The following CNTLN variants were observed in gnomAD, a reference collection of about 807,000 sequenced individuals.
The protein encoded by CNTLN is centlein, centrosomal protein.
A neutral mutation model predicts 180.0 loss-of-function variants in CNTLN; 212 were observed. The observed-to-expected ratio is 1.18, with a 90% CI of 1.05 to 1.32. CNTLN has a LOEUF of 1.32. Ranked by LOEUF, CNTLN falls within the 40% of genes most tolerant of loss-of-function variation. The pLI is 0.00. For missense variants in CNTLN, 2,095 were observed against 1,610.9 expected (o/e 1.30, Z -5.14); for synonymous variants, 722 against 563.1 (o/e 1.28, Z -3.99).
chr9:17,237,894 G>A (rs1825255723), intron 5 of CNTLN, among the ~76,000 whole-genome samples: 1 of 152,046 alleles, frequency 6.6e-6, no homozygotes, highest in Non-Finnish European at 1.5e-5. Context: ...GCCATTGAGA[G>A]AACTGAATTC....
At chr9:17,492,477 A>T (rs1369179210) in intron 25 of CNTLN, among the ~76,000 whole-genome samples, 1 of 152,152 alleles carries the variant, frequency 6.6e-6, no homozygotes, top group Non-Finnish European at 1.5e-5. Flanking sequence ...AGTACTATTT[A>T]TTCAACAAAC....
chr9:17,218,645 T>G (rs1440972167), intron 2 of CNTLN, among the ~76,000 whole-genome samples: 1 of 152,170 alleles, frequency 6.6e-6, no homozygotes, highest in Non-Finnish European at 1.5e-5. Context: ...AAAATCTGCA[T>G]TTTAATAGGT....
chr9:17,484,536 A>T, intron 24 of CNTLN, 56 bp downstream of exon 24: 1 of 1,362,712 alleles, frequency 7.3e-7, no homozygotes, highest in South Asian at 1.4e-5. Flanking sequence ...GGACTTAAGT[A>T]GATATTTTTA....
chr9:17,290,776 G>T (rs1416347328), intron 6 of CNTLN, among the ~76,000 whole-genome samples: 1 of 151,628 alleles, frequency 6.6e-6, no homozygotes, highest in Non-Finnish European at 1.5e-5. Context: ...GATTTTCCAG[G>T]TGCGTCTGTC....
Position 17,416,050 on chromosome 9 carries a change from A to C in CNTLN, c.2975A>C (p.Gln992Pro). ...TTACGAGAACGGATTATATCCTTGC[A>C]ACAACAAAACAGTGTACTTCAGAAT... ...ILLRERIISL[Q>P]QQNSVLQNAK... The change falls in exon 18 of 26, where the codon CAA becomes CCA. Residue 992 changes from glutamine (Q) to proline (P), a missense_variant. By Grantham distance (76) the Gln-to-Pro change is moderately conservative. Transcript: ENST00000380647. The C allele has an allele frequency of 6.2e-7, 1 of 1,613,676 alleles. No homozygotes were observed. The highest frequency in any genetic ancestry group is 8.5e-7 in the Non-Finnish European group (1 of 1,179,726).
chr9:17,166,931 G>A, intron 2 of CNTLN: 1 of 451,948 alleles, frequency 2.2e-6, no homozygotes, highest in Non-Finnish European at 4.5e-6. Flanking sequence ...ATATTCCAAG[G>A]TGAAGATGAA....
chr9:17,175,887 G>A (rs1201389037), intron 2 of CNTLN, among the ~76,000 whole-genome samples: 1 of 151,960 alleles, frequency 6.6e-6, no homozygotes, highest in African/African-American at 2.4e-5. Context: ...AAATGATACT[G>A]TATTTTTATG....
At chr9:17,217,332 G>A (rs79858776) in intron 2 of CNTLN, among the ~76,000 whole-genome samples, 1,571 of 152,300 alleles carry the variant, frequency 0.01, 32 homozygotes, top group African/African-American at 0.036. Flanking sequence ...AACATTGAAC[G>A]TAATTCAACA....
At chr9:17,277,779 G>T (rs1009694825) in intron 6 of CNTLN, among the ~76,000 whole-genome samples, 1 of 152,038 alleles carries the variant, frequency 6.6e-6, no homozygotes, top group African/African-American at 2.4e-5. Context: ...GAGGTATGAA[G>T]TGCACATATA....
intron 8 of CNTLN, among the ~76,000 whole-genome samples, chr9:17,317,264 A>G (rs1042067929): frequency 1.3e-5 from 2 of 152,204 alleles, no homozygotes; most frequent in African/African-American, 4.8e-5. Flanking sequence ...AAATACGTAC[A>G]TTTTATGGAC....
chr9:17,298,389 AT>A (rs1465262636), intron 7 of CNTLN, 37 bp downstream of exon 7: 1 of 1,529,338 alleles, frequency 6.5e-7, no homozygotes, highest in Non-Finnish European at 8.8e-7. Context: ...GTAAATGTTT[AT>A]GTATGAACTT....
chr9:17,527,584 C>G, the CNTLN span, among the ~76,000 whole-genome samples: 1 of 151,882 alleles, frequency 6.6e-6, no homozygotes, highest in Non-Finnish European at 1.5e-5. Flanking sequence ...TACAGATAAG[C>G]AAGGGGAGGA....
chr9:17,440,378 C>T (rs1015986921), intron 18 of CNTLN, among the ~76,000 whole-genome samples: 1 of 149,684 alleles, frequency 6.7e-6, no homozygotes, highest in Non-Finnish European at 1.5e-5. Context: ...TCGAGACCAT[C>T]CTGGCTAACA....
At chr9:17,309,317 A>G (rs1388725974) in intron 8 of CNTLN, 65 bp downstream of exon 8, 6 of 1,259,444 alleles carry the variant, frequency 4.8e-6, no homozygotes, top group Non-Finnish European at 6.5e-6. Context: ...CCTACAATTG[A>G]CTAAAACATA....
In CNTLN at chr9:17,424,138, C is replaced by T. The variant is rs139159847; in HGVS notation, c.3114+7949C>T. On this transcript the variant is annotated intron_variant, in intron 18 of 25. Transcript: ENST00000380647. ...ATCTCATTTATTATTAAACTTAATT[C>T]GTTAGAATATATTTAAGGTAAATTT... Among the ~76,000 whole-genome samples, 491 of 152,104 alleles carry T rather than the reference C, an allele frequency of 3.2e-3. 7 individuals are homozygous for T. Among genetic ancestry groups the T allele is most frequent in the African/African-American group, 0.011 (466 of 41,484 alleles).
At chr9:17,179,394 C>T (rs1424922448) in intron 2 of CNTLN, among the ~76,000 whole-genome samples, 1 of 151,732 alleles carries the variant, frequency 6.6e-6, no homozygotes, top group South Asian at 2.1e-4. Context: ...TATTTTTATT[C>T]AGTTCTATGT....
chr9:17,298,422 A>AT (rs1170196932), intron 7 of CNTLN, 70 bp downstream of exon 7: 4 of 1,318,862 alleles, frequency 3.0e-6, no homozygotes, highest in East Asian at 3.0e-5. Context: ...TAGAATTCAG[A>AT]TTTTTTCAAA....
At position 17,317,661 on chromosome 9, in the gene CNTLN, G is replaced by A. The variant is rs577253650; in HGVS notation, c.1341+8409G>A. On this transcript the variant is annotated intron_variant, in intron 8 of 25. Transcript: ENST00000380647. Reference sequence around the variant, plus strand: ...TAGGGCTTTTTTGTGTATGGTGGCAGAAGAAATCATTCTGATTAGGTGACA... The same window carrying A: ...TAGGGCTTTTTTGTGTATGGTGGCAAAAGAAATCATTCTGATTAGGTGACA... Among the ~76,000 whole-genome samples the A allele has an allele frequency of 4.0e-3, 613 of 152,288 alleles. 3 individuals carry two copies. The highest frequency in any genetic ancestry group is 7.4e-3 in the Non-Finnish European group (503 of 68,016).
chr9:17,290,871 G>C (rs963579747), intron 6 of CNTLN, among the ~76,000 whole-genome samples: 1 of 152,202 alleles, frequency 6.6e-6, no homozygotes, highest in Non-Finnish European at 1.5e-5. Flanking sequence ...TTCGGCTCGC[G>C]CATGGTGCGT....
Sources: allele counts gnomAD v4.1 joint callset (sites outside exome capture counted in the v4.1 genomes callset), GRCh38; gene constraint gnomAD v4.1.1; transcripts MANE v1.5; gene names NCBI Gene and HGNC (gene_info 2026-07-23, HGNC 2026-07-21).